The following DACH1 variants were observed in gnomAD, a reference collection of about 807,000 sequenced individuals.
The protein encoded by DACH1 is dachshund homolog 1.
Under a neutral mutation model 54.2 loss-of-function variants are expected in DACH1, and 12 were observed. The observed-to-expected ratio is 0.22, with a 90% CI of 0.14 to 0.36. The LOEUF (loss-of-function observed/expected upper bound fraction) is 0.36, where lower values mean the gene tolerates loss of function less well. DACH1 is among the 10% of genes least tolerant of loss of function. The pLI is 1.00. For missense variants in DACH1, 805 were observed against 929.8 expected, an observed-to-expected ratio of 0.87 and a Z score of 1.75; for synonymous variants, 386 against 366.2, an observed-to-expected ratio of 1.05 and a Z score of -0.62.
At chr13:71,542,225 G>A (rs138471758) in intron 6 of DACH1, among the ~76,000 whole-genome samples, 202 of 151,926 alleles carry the variant, frequency 1.3e-3, no homozygotes, top group African/African-American at 4.2e-3. Flanking sequence ...ACTCCAGCCT[G>A]GGAAACGAGC....
rs1383799926 is a variant in DACH1, at chr13:71,630,594, C to G, written c.1088G>C (p.Gly363Ala). 1.9e-6 allele frequency: 3 copies of G among 1,605,388 alleles called. No homozygotes were observed. The highest frequency in any genetic ancestry group is 1.3e-5 in the African/African-American group (1 of 74,390). The stretch of plus-strand genomic sequence containing the variant: ...CATGTCCCCGTTTTCAGAGTCTGCT[C>G]CATGTTGGTTATTACTGGCATGATA... ...SNYHASNNQH[G>A]ADSENGDMNS... Residue 363 changes from glycine (G) to alanine (A), a missense_variant, in exon 3 of 11, where the codon GGA becomes GCA. By Grantham distance (60) the Gly-to-Ala change is moderately conservative. This residue lies in a region of DACH1 where 472 missense variants were observed against 545.3 expected (regional missense o/e 0.87). Coordinates refer to ENST00000613252, the MANE Select transcript of DACH1 (RefSeq NM_080759.6).
chr13:71,599,258 T>G (rs1176792166), intron 3 of DACH1, among the ~76,000 whole-genome samples: 1 of 152,156 alleles, frequency 6.6e-6, no homozygotes. Flanking sequence ...AAAAAATTGC[T>G]GAAATTCTCT....
chr13:71,726,006 C>T (rs1883452066), intron 1 of DACH1, among the ~76,000 whole-genome samples: 1 of 152,092 alleles, frequency 6.6e-6, no homozygotes, highest in Non-Finnish European at 1.5e-5. Context: ...TTGAAAGTTA[C>T]GGACCCCTTT....
At chr13:71,685,376 C>T (rs1881109650) in intron 1 of DACH1, among the ~76,000 whole-genome samples, 2 of 152,196 alleles carry the variant, frequency 1.3e-5, no homozygotes, top group South Asian at 4.1e-4. Flanking sequence ...TAACACCCTA[C>T]TGGGGACTAC....
intron 7 of DACH1, among the ~76,000 whole-genome samples, chr13:71,485,201 C>G (rs922196831): frequency 5.3e-5 from 8 of 151,776 alleles, no homozygotes; most frequent in Non-Finnish European, 1.0e-4. Flanking sequence ...AGGTTGTTCT[C>G]CATGGACAGG....
intron 3 of DACH1, among the ~76,000 whole-genome samples, chr13:71,590,423 C>T (rs1873614100): frequency 6.6e-6 from 1 of 152,072 alleles, no homozygotes. Flanking sequence ...TTTACTGAAC[C>T]AAATTTCTCA....
chr13:71,865,005 G>C (rs1344686524), intron 1 of DACH1, among the ~76,000 whole-genome samples: 1 of 152,146 alleles, frequency 6.6e-6, no homozygotes. Context: ...CAGAGAACTC[G>C]AAAGAGAGAT....
At chr13:71,630,792 C>A (rs534136917) in intron 2 of DACH1, 75 bp from the exon 3 acceptor site, 3 of 1,431,836 alleles carry the variant, frequency 2.1e-6, no homozygotes, top group Admixed American at 5.8e-5. Context: ...CTTGCTATAA[C>A]CAACATACAA....
intron 2 of DACH1, chr13:71,675,492 A>T: frequency 7.0e-7 from 1 of 1,432,112 alleles, no homozygotes; most frequent in Non-Finnish European, 9.4e-7. Flanking sequence ...CTATGATGGG[A>T]AACATTTCAT....
chr13:71,558,572 C>T (rs1245834054), intron 5 of DACH1, among the ~76,000 whole-genome samples: 1 of 151,684 alleles, frequency 6.6e-6, no homozygotes. Flanking sequence ...ATGACAATAT[C>T]TTATAATGAA....
intron 1 of DACH1, among the ~76,000 whole-genome samples, chr13:71,842,790 T>TC (rs1182933708): frequency 6.6e-6 from 1 of 152,152 alleles, no homozygotes; most frequent in Non-Finnish European, 1.5e-5. Flanking sequence ...CTAAAATATT[T>TC]CCCCTTACAA....
At chr13:71,450,802 A>C (rs960504199) in intron 10 of DACH1, among the ~76,000 whole-genome samples, 2 of 152,196 alleles carry the variant, frequency 1.3e-5, no homozygotes. Flanking sequence ...TCTGAATAAA[A>C]GATCAAACCA....
chr13:71,475,538 A>T (rs1877438545), intron 9 of DACH1, among the ~76,000 whole-genome samples, 168 bp downstream of exon 9: 1 of 152,150 alleles, frequency 6.6e-6, no homozygotes, highest in Non-Finnish European at 1.5e-5. Context: ...AAGCACCTAT[A>T]AAATAAGGCA....
intron 6 of DACH1, among the ~76,000 whole-genome samples, chr13:71,509,942 T>G (rs1880639200): frequency 1.3e-5 from 2 of 152,110 alleles, no homozygotes; most frequent in South Asian, 4.1e-4. Context: ...CTAGTCAACT[T>G]TTTATTCCCA....
chr13:71,609,407 T>C (rs990735492), intron 3 of DACH1, among the ~76,000 whole-genome samples: 1 of 152,198 alleles, frequency 6.6e-6, no homozygotes, highest in Non-Finnish European at 1.5e-5. Context: ...TTCCTGGTGC[T>C]GTGTACATAC....
At chr13:71,687,514 C>T (rs1881240335) in intron 1 of DACH1, among the ~76,000 whole-genome samples, 1 of 152,096 alleles carries the variant, frequency 6.6e-6, no homozygotes. Context: ...ATACTGAATG[C>T]TTATCTTTGA....
intron 6 of DACH1, among the ~76,000 whole-genome samples, chr13:71,490,976 A>G (rs1248372005): frequency 6.6e-6 from 1 of 152,184 alleles, no homozygotes; most frequent in African/African-American, 2.4e-5. Flanking sequence ...CTATGATTCC[A>G]CAATTATTAA....
At chr13:71,485,186 C>T (rs774048059) in intron 7 of DACH1, among the ~76,000 whole-genome samples, 7 of 151,656 alleles carry the variant, frequency 4.6e-5, no homozygotes, top group Non-Finnish European at 1.0e-4. Flanking sequence ...TACATAAAAT[C>T]TCACAGGTTG....
At chr13:71,780,169 G>C (rs1886313480) in intron 1 of DACH1, among the ~76,000 whole-genome samples, 2 of 152,112 alleles carry the variant, frequency 1.3e-5, no homozygotes, top group Non-Finnish European at 2.9e-5. Context: ...ACATCAGCAA[G>C]GGAAAGAACG....
Sources: allele counts gnomAD v4.1 joint callset (sites outside exome capture counted in the v4.1 genomes callset), GRCh38; gene constraint gnomAD v4.1.1; regional missense constraint gnomAD v4.1.1; transcripts MANE v1.5; gene names NCBI Gene and HGNC (gene_info 2026-07-23, HGNC 2026-07-21).